KIAA1217: variants seen among roughly 807,000 people sequenced by gnomAD.
KIAA1217 encodes sickle tail protein homolog.
KIAA1217 carries 88 observed loss-of-function variants against 163.9 expected under a neutral mutation model. That is an observed-to-expected ratio of 0.54 (90% CI 0.45 to 0.64). The LOEUF (loss-of-function observed/expected upper bound fraction) is 0.64. Ranked by LOEUF, KIAA1217 falls within the 30% of genes least tolerant of loss-of-function variation. The probability of loss-of-function intolerance (pLI) is 0.00; values close to 1 mark genes in which losing one functional copy is unlikely to be tolerated. For synonymous variants in KIAA1217, 903 were observed against 923.1 expected (o/e 0.98, Z 0.39); for missense variants, 2,372 against 2,475.0 (o/e 0.96, Z 0.88).
intron 1 of KIAA1217, among the ~76,000 whole-genome samples, chr10:24,214,995 G>A (rs12267004): frequency 0.21 from 31,560 of 152,196 alleles, 3,352 homozygotes; most frequent in South Asian, 0.37. Context: ...GCAGTTGCCT[G>A]CCTGCCGGAC....
At chr10:24,150,955 AGG>A (rs1030101871) in intron 2 of KIAA1217, among the ~76,000 whole-genome samples, 8 of 152,110 alleles carry the variant, frequency 5.3e-5, no homozygotes, top group African/African-American at 1.7e-4. Context: ...CTGAAATGGA[AGG>A]GAATGTTATC....
At chr10:24,175,909 C>T (rs879767314) in intron 2 of KIAA1217, among the ~76,000 whole-genome samples, 1 of 152,158 alleles carries the variant, frequency 6.6e-6, no homozygotes, top group Non-Finnish European at 1.5e-5. Flanking sequence ...AGTGTTACAG[C>T]TCATAAAGGC....
At chr10:24,137,462 C>A (rs1332701543) in intron 2 of KIAA1217, among the ~76,000 whole-genome samples, 1 of 152,242 alleles carries the variant, frequency 6.6e-6, no homozygotes, top group East Asian at 1.9e-4. Flanking sequence ...GCTGCACCAA[C>A]ACTCTTTGGA....
At chr10:23,788,669 A>C (rs1835604082) in intron 1 of KIAA1217, among the ~76,000 whole-genome samples, 1 of 152,188 alleles carries the variant, frequency 6.6e-6, no homozygotes, top group Non-Finnish European at 1.5e-5. Context: ...GCAATTACAT[A>C]TGCACATTTT....
intron 1 of KIAA1217, among the ~76,000 whole-genome samples, chr10:23,805,947 C>T (rs768607482): frequency 3.6e-4 from 41 of 115,200 alleles, no homozygotes; most frequent in Admixed American, 1.7e-3. Context: ...TACTGGGAGG[C>T]GGAGTTTGCA....
At chr10:23,974,959 CCTGGGTGTAG>C (rs933007096) in intron 1 of KIAA1217, among the ~76,000 whole-genome samples, 2 of 151,884 alleles carry the variant, frequency 1.3e-5, no homozygotes, top group African/African-American at 2.4e-5. Flanking sequence ...TTTCACGAGC[CCTGGGTGTAG>C]CTGTGCTATT....
chr10:24,092,840 C>G (rs917482536), intron 2 of KIAA1217, among the ~76,000 whole-genome samples: 4 of 151,338 alleles, frequency 2.6e-5, no homozygotes, highest in African/African-American at 9.8e-5. Context: ...ATAGCCAACT[C>G]TTTGTATTTG....
chr10:23,698,485 A>T (rs143552038), intron 1 of KIAA1217, among the ~76,000 whole-genome samples: 46 of 152,318 alleles, frequency 3.0e-4, no homozygotes, highest in African/African-American at 1.1e-3. Flanking sequence ...TGACAATTTG[A>T]GTGAGTCTTG....
intron 1 of KIAA1217, among the ~76,000 whole-genome samples, chr10:23,808,840 T>C: frequency 6.6e-6 from 1 of 151,934 alleles, no homozygotes; most frequent in East Asian, 1.9e-4. Context: ...GATAATAAAA[T>C]AAAAATATAA....
At chr10:24,098,338 G>T (rs1420785775) in intron 2 of KIAA1217, among the ~76,000 whole-genome samples, 1 of 152,034 alleles carries the variant, frequency 6.6e-6, no homozygotes, top group Non-Finnish European at 1.5e-5. Context: ...AATAAAGAGT[G>T]GCTTTAGACT....
intron 1 of KIAA1217, among the ~76,000 whole-genome samples, chr10:23,944,080 G>C (rs375580675): frequency 2.0e-5 from 3 of 152,122 alleles, no homozygotes; most frequent in African/African-American, 7.2e-5. Flanking sequence ...TTGACAAATT[G>C]GACTTTACCA....
intron 1 of KIAA1217, among the ~76,000 whole-genome samples, chr10:23,701,101 A>T (rs1169478797): frequency 6.6e-6 from 1 of 152,182 alleles, no homozygotes; most frequent in African/African-American, 2.4e-5. Flanking sequence ...AGCGTCTGGC[A>T]CTTGGTACAT....
chr10:23,958,859 C>T (rs147389693), intron 1 of KIAA1217, among the ~76,000 whole-genome samples: 1 of 151,482 alleles, frequency 6.6e-6, no homozygotes, highest in African/African-American at 2.4e-5. Context: ...TTTTTACTCT[C>T]GCAGACAGGC....
intron 2 of KIAA1217, among the ~76,000 whole-genome samples, chr10:24,114,384 C>T (rs2062970422): frequency 1.3e-5 from 2 of 152,096 alleles, no homozygotes; most frequent in Non-Finnish European, 2.9e-5. Context: ...AAAATGCTGA[C>T]TGAGTCTATC....
intron 2 of KIAA1217, among the ~76,000 whole-genome samples, chr10:24,256,953 AG>A (rs1267539245): frequency 6.6e-6 from 1 of 152,214 alleles, no homozygotes; most frequent in African/African-American, 2.4e-5. Flanking sequence ...GAGAGAAAGA[AG>A]GCCCAGGGAG....
chr10:23,857,436 A>G (rs1458616404), intron 1 of KIAA1217, among the ~76,000 whole-genome samples: 1 of 152,184 alleles, frequency 6.6e-6, no homozygotes, highest in East Asian at 1.9e-4. Flanking sequence ...GATTTTCTGA[A>G]AGCAGGCCCT....
At chr10:24,476,365 C>T (rs890253860) in intron 6 of KIAA1217, among the ~76,000 whole-genome samples, 5 of 152,148 alleles carry the variant, frequency 3.3e-5, no homozygotes, top group African/African-American at 1.2e-4. Flanking sequence ...AAGATTTTAG[C>T]TTTTGGTACT....
intron 1 of KIAA1217, among the ~76,000 whole-genome samples, chr10:23,885,915 G>C (rs1752565994): frequency 6.6e-6 from 1 of 151,890 alleles, no homozygotes; most frequent in Admixed American, 6.6e-5. Flanking sequence ...ATTGAAACAG[G>C]AACAATTGTT....
intron 2 of KIAA1217, among the ~76,000 whole-genome samples, chr10:24,331,194 C>T (rs894031111): frequency 1.3e-5 from 2 of 152,162 alleles, no homozygotes; most frequent in African/African-American, 4.8e-5. Flanking sequence ...GCTCCCACCT[C>T]AGCCTCCCTA....
Sources: allele counts gnomAD v4.1 joint callset (sites outside exome capture counted in the v4.1 genomes callset), GRCh38; gene constraint gnomAD v4.1.1; transcripts MANE v1.5; gene names NCBI Gene and HGNC (gene_info 2026-07-23, HGNC 2026-07-21).